FAM177A1: variants seen among roughly 807,000 people sequenced by gnomAD.
FAM177A1 encodes the protein protein FAM177A1.
In FAM177A1, 22 loss-of-function variants were observed where a neutral mutation model predicts 26.1. The observed-to-expected ratio is 0.84, with a 90% confidence interval of 0.60 to 1.20. The LOEUF (loss-of-function observed/expected upper bound fraction) is 1.20. Ranked by LOEUF, FAM177A1 falls within the 50% of genes most tolerant of loss-of-function variation. FAM177A1 has a pLI of 0.00. For missense variants in FAM177A1, 296 were observed against 291.1 expected (o/e 1.02, Z -0.12); for synonymous variants, 95 against 99.3 (o/e 0.96, Z 0.26).
At chr14:35,053,476 T>C (rs1476915104) in intron 2 of FAM177A1, 25 bp downstream of exon 2, 1 of 1,609,424 alleles carries the variant, frequency 6.2e-7, no homozygotes, top group Non-Finnish European at 8.5e-7. Context: ...GATGATTCTT[T>C]CCTCAGTGGG....
At chr14:35,045,712 C>T (rs2044849637), upstream of FAM177A1, among the ~76,000 whole-genome samples, 1 of 152,068 alleles carries the variant, frequency 6.6e-6, no homozygotes, top group Non-Finnish European at 1.5e-5. Flanking sequence ...TTGCGAAAGA[C>T]GGAAAAAATC....
At chr14:35,068,261 G>C (rs1595050837) in intron 2 of FAM177A1, among the ~76,000 whole-genome samples, 1 of 152,220 alleles carries the variant, frequency 6.6e-6, no homozygotes, top group Non-Finnish European at 1.5e-5. Context: ...ACAGATGATT[G>C]GTATCTTAAT....
chr14:35,079,490 A>G (rs1275306919), intron 4 of FAM177A1, among the ~76,000 whole-genome samples: 1 of 152,032 alleles, frequency 6.6e-6, no homozygotes, highest in African/African-American at 2.4e-5. Context: ...TTAAGGTGAG[A>G]GTGAAGTGAA....
chr14:35,054,097 A>T (rs1472132916), intron 2 of FAM177A1, among the ~76,000 whole-genome samples: 12 of 152,190 alleles, frequency 7.9e-5, no homozygotes, highest in African/African-American at 2.9e-4. Context: ...GGGAGTTGTC[A>T]GCTTTTTAAA....
chr14:35,078,862 C>A, intron 3 of FAM177A1, 65 bp from the exon 4 acceptor site: 3 of 1,148,376 alleles, frequency 2.6e-6, no homozygotes, highest in Non-Finnish European at 3.6e-6. Context: ...CAGTGTCTTA[C>A]ACATAGAAAG....
chr14:35,072,930 C>T (rs2045345096), intron 2 of FAM177A1, among the ~76,000 whole-genome samples: 1 of 152,190 alleles, frequency 6.6e-6, no homozygotes, highest in Non-Finnish European at 1.5e-5. Context: ...AAGATGTGCA[C>T]AACACTTGGG....
In FAM177A1 at chr14:35,046,356, TC is replaced by T; in HGVS notation, c.-104del. 7.8e-7 allele frequency: 1 copy of T among 1,283,718 alleles called. No individual in the cohort carries two copies. Among genetic ancestry groups the T allele is most frequent in the Non-Finnish European group, 1.0e-6 (1 of 980,232 alleles). The allele number at this position is 1,283,718 out of a possible 1,614,324, so 79.5% of individuals were successfully genotyped here. A position where few individuals can be genotyped will look rare whatever the true frequency, so the allele number is the denominator to read the frequency against. ...TGGCCCCGCCCCTCAGGCCGGCGAGTCCCCTTCTCAGAGACTTGGCTAGGCG... is the reference window on the plus strand; with the variant it reads ...TGGCCCCGCCCCTCAGGCCGGCGAGTCCCTTCTCAGAGACTTGGCTAGGCG... On this transcript the variant is annotated 5_prime_UTR_variant, in exon 1 of 5. Coordinates refer to ENST00000280987, the MANE Select transcript of FAM177A1 (RefSeq NM_173607.5).
chr14:35,053,190 A>G (rs2045002269), intron 1 of FAM177A1, 88 bp from the exon 2 acceptor site: 1 of 1,206,374 alleles, frequency 8.3e-7, no homozygotes, highest in East Asian at 2.4e-5. Context: ...TTTCTTTACT[A>G]CAATAAACCT....
chr14:35,050,298 C>G (rs1376161619), intron 1 of FAM177A1: 1 of 152,122 alleles, frequency 6.6e-6, no homozygotes, highest in East Asian at 1.9e-4. Flanking sequence ...CATGAGCCAC[C>G]ATGCCCAGCC....
intron 2 of FAM177A1, among the ~76,000 whole-genome samples, chr14:35,056,409 G>T (rs929497119): frequency 6.7e-6 from 1 of 149,128 alleles, no homozygotes; most frequent in Non-Finnish European, 1.5e-5. Context: ...AGGCTAGAGT[G>T]CGGTGGTATG....
At chr14:35,066,406 CTTTT>C (rs530069165) in intron 2 of FAM177A1, among the ~76,000 whole-genome samples, 4 of 126,046 alleles carry the variant, frequency 3.2e-5, no homozygotes, top group Non-Finnish European at 1.7e-5. Flanking sequence ...AAAAGAGCAT[CTTTT>C]TTTTTTTTTT....
At chr14:35,080,301 T>C (rs905955905) in intron 4 of FAM177A1, among the ~76,000 whole-genome samples, 12 of 152,196 alleles carry the variant, frequency 7.9e-5, no homozygotes, top group African/African-American at 2.7e-4. Flanking sequence ...TTGATGCTTA[T>C]GGGAAAACTA....
At chr14:35,058,393 A>T (rs2045095834) in intron 2 of FAM177A1, among the ~76,000 whole-genome samples, 1 of 152,138 alleles carries the variant, frequency 6.6e-6, no homozygotes, top group South Asian at 2.1e-4. Flanking sequence ...GAGATATTGC[A>T]GTCTTCAACT....
intron 2 of FAM177A1, among the ~76,000 whole-genome samples, chr14:35,059,320 A>G (rs1002790033): frequency 6.6e-6 from 1 of 152,094 alleles, no homozygotes; most frequent in Non-Finnish European, 1.5e-5. Context: ...TCTCTTGTAG[A>G]CAGCATATAG....
intron 2 of FAM177A1, among the ~76,000 whole-genome samples, chr14:35,069,306 A>G (rs1385411205): frequency 7.1e-6 from 1 of 140,184 alleles, no homozygotes; most frequent in African/African-American, 2.6e-5. Context: ...TTTTTTTGAG[A>G]CAGAGTTTCA....
chr14:35,063,004 G>C (rs140572611), intron 2 of FAM177A1, among the ~76,000 whole-genome samples: 1 of 149,464 alleles, frequency 6.7e-6, no homozygotes, highest in Non-Finnish European at 1.5e-5. Context: ...AAAAAGGTCG[G>C]GTGCGGTGGA....
At chr14:35,059,740 G>C (rs2045120750) in intron 2 of FAM177A1, among the ~76,000 whole-genome samples, 1 of 151,750 alleles carries the variant, frequency 6.6e-6, no homozygotes, top group Non-Finnish European at 1.5e-5. Context: ...GTAGAGACGG[G>C]GTTTCACCAT....
At chr14:35,052,537 A>G (rs2044990635) in intron 1 of FAM177A1, among the ~76,000 whole-genome samples, 1 of 151,948 alleles carries the variant, frequency 6.6e-6, no homozygotes, top group Admixed American at 6.6e-5. Context: ...AGGAGTTTAA[A>G]CTTGAGGCAA....
At chr14:35,045,250 G>T (rs60693825), upstream of FAM177A1, 1 of 152,050 alleles carries the variant, frequency 6.6e-6, no homozygotes. Context: ...CCAGGATAGA[G>T]AGCAATATGG....
Sources: allele counts gnomAD v4.1 joint callset (sites outside exome capture counted in the v4.1 genomes callset), GRCh38; gene constraint gnomAD v4.1.1; transcripts MANE v1.5; gene names NCBI Gene and HGNC (gene_info 2026-07-23, HGNC 2026-07-21).